The following KIAA1671 variants were observed in gnomAD, a reference collection of about 807,000 sequenced individuals.
KIAA1671 encodes the protein KIAA1671, also known as uncharacterized protein KIAA1671.
A neutral mutation model predicts 131.2 loss-of-function variants in KIAA1671; 52 were observed. The ratio of observed to expected loss-of-function variants is 0.40; its 90% confidence interval spans 0.32 to 0.50. The LOEUF is 0.50. Ranked by LOEUF, KIAA1671 falls within the 20% of genes least tolerant of loss-of-function variation. The pLI is 0.73. For synonymous variants in KIAA1671, 1,003 were observed against 961.6 expected, an observed-to-expected ratio of 1.04 and a Z score of -0.80; for missense variants, 2,360 against 2,364.2, an observed-to-expected ratio of 1.00 and a Z score of 0.04.
intron 11 of KIAA1671, among the ~76,000 whole-genome samples, chr22:25,188,036 C>T (rs554155505): frequency 6.6e-6 from 1 of 152,278 alleles, no homozygotes; most frequent in South Asian, 2.1e-4. Context: ...CATGGTGGCT[C>T]ACACCTGTAC....
At chr22:25,076,925 A>G (rs1342357770) in intron 6 of KIAA1671, among the ~76,000 whole-genome samples, 1 of 152,180 alleles carries the variant, frequency 6.6e-6, no homozygotes, top group Non-Finnish European at 1.5e-5. Flanking sequence ...AATTAGGGAA[A>G]CTGAGGCCTT....
chr22:25,000,998 T>C (rs1331272236), intron 1 of KIAA1671, among the ~76,000 whole-genome samples: 1 of 152,120 alleles, frequency 6.6e-6, no homozygotes, highest in East Asian at 1.9e-4. Flanking sequence ...TTTCATGTGC[T>C]TATTGGTCAC....
chr22:25,107,753 G>A (rs1346838403), intron 6 of KIAA1671, among the ~76,000 whole-genome samples: 1 of 152,006 alleles, frequency 6.6e-6, no homozygotes, highest in African/African-American at 2.4e-5. Context: ...GCTCATGCCT[G>A]TAATCCCAGC....
chr22:25,125,022 G>C (rs1568969122), intron 6 of KIAA1671, among the ~76,000 whole-genome samples: 1 of 152,160 alleles, frequency 6.6e-6, no homozygotes, highest in Non-Finnish European at 1.5e-5. Context: ...GCCTCCCAAA[G>C]TGCTGGGATT....
intron 6 of KIAA1671, among the ~76,000 whole-genome samples, chr22:25,108,422 C>T (rs992679217): frequency 2.0e-5 from 3 of 152,140 alleles, no homozygotes; most frequent in South Asian, 2.1e-4. Flanking sequence ...CCTGGGCCTG[C>T]GTAATGAGGG....
chr22:25,040,999 C>A lies in KIAA1671; in HGVS notation c.3869C>A (p.Thr1290Asn), dbSNP rs1005006048. 2.0e-6 allele frequency: 3 copies of A among 1,476,258 alleles called. No individual in the cohort carries two copies. In the Admixed American group the frequency reaches 7.8e-5, roughly 38 times the overall value. The allele number at this position is 1,476,258 out of a possible 1,614,324, so 91.4% of individuals were successfully genotyped here. A position where few individuals can be genotyped will look rare whatever the true frequency, so the allele number is the denominator to read the frequency against. ...GAGACCTTGGAGACAGCCATGGGCA[C>A]CAAATCTAGCCCTCCCTTCTGGGCT... Reference protein sequence around the residue: ...LAETLETAMGTKSSPPFWALP... With the variant: ...LAETLETAMGNKSSPPFWALP... Residue 1290 changes from threonine to asparagine, a missense_variant, in exon 5 of 13, where the codon ACC becomes AAC. Physicochemically the swap from Thr to Asn is moderately conservative, Grantham distance 65 (BLOSUM62 0). Coordinates refer to ENST00000358431, the MANE Select transcript of KIAA1671 (RefSeq NM_001145206.2).
At chr22:25,089,266 A>ATTTTTTTTT (rs34941122) in intron 6 of KIAA1671, among the ~76,000 whole-genome samples, 1 of 89,276 alleles carries the variant, frequency 1.1e-5, no homozygotes. Flanking sequence ...TGTGTGTTTA[A>ATTTTTTTTT]TTTTTTTTTT....
intron 1 of KIAA1671, among the ~76,000 whole-genome samples, chr22:24,980,396 T>A (rs1332175945): frequency 6.6e-6 from 1 of 151,528 alleles, no homozygotes; most frequent in Non-Finnish European, 1.5e-5. Flanking sequence ...CTTAGCCTCC[T>A]GGGTAGCTGG....
In KIAA1671 at chr22:25,185,100, A is replaced by C; in HGVS notation, c.5323A>C (p.Ser1775Arg). 6.4e-7 allele frequency: 1 copy of C among 1,551,220 alleles called. No individual in the cohort carries two copies. Among genetic ancestry groups the C allele is most frequent in the Non-Finnish European group, 8.7e-7 (1 of 1,146,744 alleles). The change falls in exon 11 of 13, where the codon AGC (serine) becomes CGC (arginine). Residue 1775 changes from serine to arginine, a missense_variant. Transcript: ENST00000358431. ...GCTGGGCAGTCGCGTGCTGCCTTCC[A>C]GCATGGACAAGGATGAGAGGTGAGG... ...GVLGSRVLPSSMDKDERSDEP... is the reference protein window; with the variant it reads ...GVLGSRVLPSRMDKDERSDEP...
chr22:24,982,045 A>G (rs1042872951), intron 1 of KIAA1671, among the ~76,000 whole-genome samples: 1 of 152,226 alleles, frequency 6.6e-6, no homozygotes, highest in East Asian at 1.9e-4. Context: ...AAGTGAATGA[A>G]TGAACAAATG....
At chr22:24,984,933 AAAAAGC>A in intron 1 of KIAA1671, among the ~76,000 whole-genome samples, 1 of 151,382 alleles carries the variant, frequency 6.6e-6, no homozygotes, top group African/African-American at 2.4e-5. Flanking sequence ...AAAAAAAAAA[AAAAAGC>A]AGGCAAACAG....
At chr22:25,054,598 C>T (rs1227987493) in intron 6 of KIAA1671, 1 of 149,730 alleles carries the variant, frequency 6.7e-6, no homozygotes, top group African/African-American at 2.4e-5. Context: ...GCTTCCATGC[C>T]CTCCCTGGGC....
chr22:25,079,500 G>A (rs1298961314), intron 6 of KIAA1671, among the ~76,000 whole-genome samples: 1 of 152,184 alleles, frequency 6.6e-6, no homozygotes. Context: ...CAGGTAAGAA[G>A]GTTCTGGAGG....
chr22:24,981,520 C>G (rs908006098), intron 1 of KIAA1671, among the ~76,000 whole-genome samples: 5 of 152,180 alleles, frequency 3.3e-5, no homozygotes, highest in Non-Finnish European at 7.4e-5. Context: ...AGGAGAAACT[C>G]CCTGGGGAGC....
At chr22:25,160,259 C>T (rs1003672619) in intron 6 of KIAA1671, among the ~76,000 whole-genome samples, 3 of 152,160 alleles carry the variant, frequency 2.0e-5, no homozygotes, top group African/African-American at 7.2e-5. Flanking sequence ...GACAACGGGT[C>T]AGGAGGTACA....
chr22:24,985,924 C>T (rs1279212015), intron 1 of KIAA1671, among the ~76,000 whole-genome samples: 1 of 151,948 alleles, frequency 6.6e-6, no homozygotes, highest in Non-Finnish European at 1.5e-5. Flanking sequence ...GGTAACCCTT[C>T]GGGAGGAAGC....
At chr22:25,159,327 C>T (rs1384718468) in intron 6 of KIAA1671, among the ~76,000 whole-genome samples, 1 of 152,174 alleles carries the variant, frequency 6.6e-6, no homozygotes, top group Non-Finnish European at 1.5e-5. Flanking sequence ...GTGGATGACT[C>T]ATCTGCCCTG....
rs978606471 is a variant in KIAA1671 at position 25,021,888 on chromosome 22, G to A, written c.-207-3745G>A. ...TGCAAGCTCCACCTCCCGGGTTCACGCCATTCTCCTGCCTCAGCCTCCCGA... is the reference window on the plus strand; with the variant it reads ...TGCAAGCTCCACCTCCCGGGTTCACACCATTCTCCTGCCTCAGCCTCCCGA... On this transcript the variant is annotated intron_variant, in intron 1 of 12. Coordinates refer to ENST00000358431, the MANE Select transcript of KIAA1671 (RefSeq NM_001145206.2). Among the ~76,000 whole-genome samples the A allele has an allele frequency of 7.9e-5, 12 of 152,006 alleles. No individual in the cohort carries two copies. In the East Asian group the frequency reaches 2.1e-3, roughly 27 times the overall value.
chr22:25,188,335 C>T, intron 11 of KIAA1671, among the ~76,000 whole-genome samples: 1 of 151,468 alleles, frequency 6.6e-6, no homozygotes, highest in Middle Eastern at 3.4e-3. Context: ...ACAAATCTCA[C>T]CTCCCCAAAA....
Sources: gnomAD v4.1 joint callset for allele counts (sites outside exome capture counted in the v4.1 genomes callset) on GRCh38, gnomAD v4.1.1 for gene constraint, MANE v1.5 for transcripts, NCBI Gene and HGNC (gene_info 2026-07-23, HGNC 2026-07-21) for gene names.